Variants in SLC7A1 observed in about 807,000 individuals in gnomAD.
SLC7A1 encodes the protein high affinity cationic amino acid transporter 1.
SLC7A1 carries 10 observed loss-of-function variants against 53.9 expected under a neutral mutation model. That is an observed-to-expected ratio of 0.19 (90% CI 0.11 to 0.31). The LOEUF (loss-of-function observed/expected upper bound fraction) is 0.31, where lower values mean the gene tolerates loss of function less well. Among genes scored for constraint, SLC7A1 ranks in the 10% least tolerant of loss-of-function variants. The pLI is 1.00. For missense variants in SLC7A1, 525 were observed against 827.2 expected (o/e 0.63, Z 4.48); for synonymous variants, 342 against 338.7 (o/e 1.01, Z -0.11).
intron 1 of SLC7A1, among the ~76,000 whole-genome samples, chr13:29,592,812 C>A (rs1451089352): frequency 6.6e-6 from 1 of 152,104 alleles, no homozygotes; most frequent in Non-Finnish European, 1.5e-5. Context: ...CCACCCGAGG[C>A]CTGGGAAACC....
chr13:29,578,358 A>G (rs147599778), intron 1 of SLC7A1, among the ~76,000 whole-genome samples: 2 of 152,210 alleles, frequency 1.3e-5, no homozygotes, highest in African/African-American at 2.4e-5. Context: ...ACGTGAACTC[A>G]GTGGCACAGC....
chr13:29,578,673 G>A lies in SLC7A1; in HGVS notation c.-115+16743C>T, dbSNP rs145798183. ...GACACGGCAAGCTACTGGTTCAACCGGGCACCCCGGGTAGCTCTTGCCCGG... is the reference window on the plus strand; with the variant it reads ...GACACGGCAAGCTACTGGTTCAACCAGGCACCCCGGGTAGCTCTTGCCCGG... On this transcript the variant is annotated intron_variant, in intron 1 of 12. Transcript: ENST00000380752. Among the ~76,000 whole-genome samples, 77 of 152,318 alleles carry A rather than the reference G, an allele frequency of 5.1e-4. 1 individual carries two copies. In the East Asian group the frequency reaches 0.012, roughly 24 times the overall value.
At chr13:29,575,303 G>A (rs997853352) in intron 1 of SLC7A1, among the ~76,000 whole-genome samples, 1 of 152,098 alleles carries the variant, frequency 6.6e-6, no homozygotes, top group Non-Finnish European at 1.5e-5. Context: ...GCTCTGTGCT[G>A]GAAGAATGCC....
intron 2 of SLC7A1, among the ~76,000 whole-genome samples, chr13:29,553,492 T>C (rs1870294536): frequency 1.3e-5 from 2 of 151,766 alleles, no homozygotes; most frequent in African/African-American, 4.8e-5. Context: ...ATATGAAGAG[T>C]TCTGTCTGAA....
At chr13:29,582,955 G>A (rs913080573) in intron 1 of SLC7A1, among the ~76,000 whole-genome samples, 3 of 152,164 alleles carry the variant, frequency 2.0e-5, no homozygotes, top group Non-Finnish European at 4.4e-5. Context: ...ATAATGAACA[G>A]GACTGTTACA....
chr13:29,585,307 T>C (rs1279685083), intron 1 of SLC7A1, among the ~76,000 whole-genome samples: 1 of 152,176 alleles, frequency 6.6e-6, no homozygotes, highest in African/African-American at 2.4e-5. Context: ...TTCAGGACAA[T>C]GTGGTGGAGT....
intron 2 of SLC7A1, 37 bp from the exon 3 acceptor site, chr13:29,536,239 CTCATTTCA>C (rs1869414329): frequency 6.4e-7 from 1 of 1,563,670 alleles, no homozygotes; most frequent in African/African-American, 1.4e-5. Context: ...CTGATTGCTC[CTCATTTCA>C]CCCATTACTC....
At chr13:29,536,318 T>A in intron 2 of SLC7A1, 116 bp from the exon 3 acceptor site, 2 of 1,066,430 alleles carry the variant, frequency 1.9e-6, no homozygotes, top group Non-Finnish European at 2.7e-6. Flanking sequence ...CATTTCCTGC[T>A]AAAACGCTTT....
At chr13:29,593,411 T>C (rs1768497157) in intron 1 of SLC7A1, among the ~76,000 whole-genome samples, 1 of 152,184 alleles carries the variant, frequency 6.6e-6, no homozygotes, top group Admixed American at 6.5e-5. Context: ...GTGATAGGCA[T>C]CTCTGAAGAT....
intron 1 of SLC7A1, among the ~76,000 whole-genome samples, chr13:29,581,596 C>T (rs148557988): frequency 0.018 from 2,795 of 152,326 alleles, 58 homozygotes; most frequent in Middle Eastern, 0.041. Context: ...TACAGCCAAG[C>T]ATGCGCTGTC....
At chr13:29,586,636 A>C (rs1487232762) in intron 1 of SLC7A1, 3 of 152,252 alleles carry the variant, frequency 2.0e-5, no homozygotes, top group Non-Finnish European at 4.4e-5. Context: ...AGATAAAAAC[A>C]CAAAGGAGAG....
chr13:29,588,459 G>T (rs551300775), intron 1 of SLC7A1, among the ~76,000 whole-genome samples: 31 of 151,790 alleles, frequency 2.0e-4, no homozygotes, highest in African/African-American at 7.2e-4. Context: ...TCTGAGAGAC[G>T]GTACCCAGGA....
Position 29,517,257 on chromosome 13 carries a change from T to C in SLC7A1, c.1564A>G (p.Thr522Ala). The change falls in exon 11 of 13, where the codon ACC (threonine) becomes GCC (alanine). Residue 522 changes from threonine to alanine, a missense_variant. This residue lies in a region of SLC7A1 where 122 missense variants were observed against 140.9 expected (regional missense o/e 0.87). Coordinates refer to ENST00000380752, the MANE Select transcript of SLC7A1 (RefSeq NM_003045.5). Reference protein sequence around the residue: ...IVTVLGREALTKGALWAVFLL... With the variant: ...IVTVLGREALAKGALWAVFLL... ...AAGACTGCCCACAGCGCCCCTTTGG[T>C]GAGAGCCTCCCTTCCAAGCACGGTC... 1 of 1,613,342 alleles carries C rather than the reference T, an allele frequency of 6.2e-7. No individual in the cohort carries two copies. The highest frequency in any genetic ancestry group is 2.2e-5 in the East Asian group (1 of 44,874).
chr13:29,523,680 C>A (rs1413715589), intron 6 of SLC7A1, among the ~76,000 whole-genome samples, 192 bp from the exon 7 acceptor site: 1 of 152,188 alleles, frequency 6.6e-6, no homozygotes, highest in East Asian at 1.9e-4. Flanking sequence ...CAGGAAGACA[C>A]ATCAGACAGC....
intron 5 of SLC7A1, among the ~76,000 whole-genome samples, chr13:29,524,882 C>G (rs757123364): frequency 1.1e-4 from 16 of 152,186 alleles, no homozygotes; most frequent in Non-Finnish European, 4.4e-5. Flanking sequence ...GCAAAATAAG[C>G]ACAGTTTACA....
chr13:29,535,783 G>T (rs368984131), intron 3 of SLC7A1, 36 bp downstream of exon 3: 1 of 1,588,430 alleles, frequency 6.3e-7, no homozygotes, highest in East Asian at 2.3e-5. Flanking sequence ...ACAGAAAAGT[G>T]GTAGAGGGCA....
rs182058699 is a variant in SLC7A1 at position 29,520,595 on chromosome 13, G to A, written c.1190-1046C>T. 6.6e-5 allele frequency among the ~76,000 whole-genome samples: 10 copies of A among 152,328 alleles called. No homozygotes were observed. In the East Asian group the frequency reaches 1.7e-3, roughly 26 times the overall value. On this transcript the variant is annotated intron_variant, in intron 8 of 12. Transcript: ENST00000380752. ...CGTGTCTATTCACATGGGTGTGTAT[G>A]TCAAGTACTCATTAAAAAACAACTT...
At chr13:29,576,715 TGAG>T (rs1223326483) in intron 1 of SLC7A1, among the ~76,000 whole-genome samples, 1 of 151,306 alleles carries the variant, frequency 6.6e-6, no homozygotes, top group Non-Finnish European at 1.5e-5. Context: ...AATGAAAGAA[TGAG>T]GAGGAAAAAA....
At chr13:29,533,953 A>G (rs1001492579) in intron 3 of SLC7A1, among the ~76,000 whole-genome samples, 1 of 152,160 alleles carries the variant, frequency 6.6e-6, no homozygotes, top group Non-Finnish European at 1.5e-5. Flanking sequence ...CAATTTCACT[A>G]TTTGGTCTTA....
Sources: gnomAD v4.1 joint callset for allele counts (sites outside exome capture counted in the v4.1 genomes callset) on GRCh38, gnomAD v4.1.1 for gene constraint, gnomAD v4.1.1 regional missense constraint, MANE v1.5 for transcripts, NCBI Gene and HGNC (gene_info 2026-07-23, HGNC 2026-07-21) for gene names.